NAPG: variants seen among roughly 807,000 people sequenced by gnomAD.
The protein encoded by NAPG is gamma-soluble NSF attachment protein.
Under a neutral mutation model 48.4 loss-of-function variants are expected in NAPG, and 25 were observed. The observed-to-expected ratio is 0.52, with a 90% CI of 0.38 to 0.72. The LOEUF (loss-of-function observed/expected upper bound fraction) is 0.72. Among genes scored for constraint, NAPG ranks in the 30% least tolerant of loss-of-function variants. NAPG has a pLI of 0.00. For missense variants in NAPG, 359 were observed against 372.5 expected (o/e 0.96, Z 0.30); for synonymous variants, 139 against 127.2 (o/e 1.09, Z -0.62).
At chr18:10,526,381 G>A in intron 1 of NAPG, 1 of 552,814 alleles carries the variant, frequency 1.8e-6, no homozygotes, top group African/African-American at 2.0e-5. Context: ...CACCCCGCCG[G>A]AAGTCCGCTC....
chr18:10,542,326 CA>C lies in NAPG; in HGVS notation c.506+1929del, dbSNP rs1277756989. Among the ~76,000 whole-genome samples the C allele has an allele frequency of 2.6e-5, 4 of 151,164 alleles. No individual in the cohort carries two copies. Among genetic ancestry groups the C allele is most frequent in the African/African-American group, 9.7e-5 (4 of 41,086 alleles). On this transcript the variant is annotated intron_variant, in intron 8 of 11. Coordinates refer to ENST00000322897, the MANE Select transcript of NAPG (RefSeq NM_003826.3). This position sits in a 1 kb window ranked among gnomAD's most constrained non-coding sequence, Gnocchi z 4.5. ...GAAATATATTTTTGAAGTGTATTAA[CA>C]ATATAAAAATTAATTTAAATTTGTG...
In NAPG at chr18:10,546,242, T is replaced by G; in HGVS notation, c.507-84T>G. 1 of 813,966 alleles carries G rather than the reference T, an allele frequency of 1.2e-6. No individual in the cohort carries two copies. Among genetic ancestry groups the G allele is most frequent in the East Asian group, 3.0e-5 (1 of 33,592 alleles). The allele number at this position is 813,966 out of a possible 1,614,324, so 50.4% of individuals were successfully genotyped here. On this transcript the variant is annotated intron_variant, in intron 8 of 11. Coordinates refer to ENST00000322897, the MANE Select transcript of NAPG (RefSeq NM_003826.3). The surrounding 1 kb of genome is among the most constrained non-coding windows in gnomAD (Gnocchi z 4.0). ...CTGTCCTCCTGGTGTCTCTACAATC[T>G]ATGATGTCAAGTACATTTCACAGGG...
rs1284152957 is a variant in NAPG at position 10,542,024 on chromosome 18, A to G, written c.506+1625A>G. ...GGGATGGGGGCCACCATCATCCTCA[A>G]AACATTACCAGTGTTGCCAGTCGGT... is the stretch of plus-strand genomic sequence containing the variant. On this transcript the variant is annotated intron_variant, in intron 8 of 11. Transcript: ENST00000322897. The surrounding 1 kb of genome is among the most constrained non-coding windows in gnomAD (Gnocchi z 4.5). 6.6e-6 allele frequency among the ~76,000 whole-genome samples: 1 copy of G among 152,194 alleles called. No homozygotes were observed.
At chr18:10,526,246 G>GGGGGGGTGGGA in intron 1 of NAPG, 88 bp downstream of exon 1, 3 of 490,186 alleles carry the variant, frequency 6.1e-6, no homozygotes, top group Non-Finnish European at 8.3e-6. Flanking sequence ...GGGCGGGAGG[G>GGGGGGGTGGGA]AGGGCTCAGG....
intron 3 of NAPG, chr18:10,533,032 T>C: frequency 7.4e-6 from 3 of 403,032 alleles, no homozygotes; most frequent in Non-Finnish European, 1.3e-5. Flanking sequence ...GTGATTTTAC[T>C]TGATGATGGT....
At position 10,552,482 on chromosome 18, in the gene NAPG, C is replaced by G. The variant is rs2032420071; in HGVS notation, c.*2262C>G. ...TTACAAGGAAAATTGTCTTCCAGAA[C>G]TCCACTGTCATCACTTTCACCAAAG... On this transcript the variant is annotated 3_prime_UTR_variant, in exon 12 of 12. Transcript: ENST00000322897. 1 of 152,236 alleles carries G rather than the reference C, an allele frequency of 6.6e-6. No homozygotes were observed. 9.4% of individuals were successfully genotyped at this position (152,236 alleles called of 1,614,324 possible).
Position 10,548,234 on chromosome 18 carries a change from A to T in NAPG, c.586-65A>T. Reference sequence around the variant, plus strand: ...AAGTTAAACTCCAGGTGTTTTCAATACTGCCAGGTTATTGACTTTATTAAA... The same window carrying T: ...AAGTTAAACTCCAGGTGTTTTCAATTCTGCCAGGTTATTGACTTTATTAAA... On this transcript the variant is annotated intron_variant, in intron 9 of 11. Transcript: ENST00000322897. The surrounding 1 kb of genome is among the most constrained non-coding windows in gnomAD (Gnocchi z 4.4). 8.5e-7 allele frequency: 1 copy of T among 1,178,062 alleles called. No individual in the cohort carries two copies. The highest frequency in any genetic ancestry group is 1.3e-6 in the Non-Finnish European group (1 of 789,090). 73.0% of individuals were successfully genotyped at this position (1,178,062 alleles called of 1,614,324 possible). A position where few individuals can be genotyped will look rare whatever the true frequency, so the allele number is the denominator to read the frequency against.
intron 2 of NAPG, among the ~76,000 whole-genome samples, chr18:10,531,172 A>G (rs191280317): frequency 6.6e-6 from 1 of 152,184 alleles, no homozygotes; most frequent in Non-Finnish European, 1.5e-5. Flanking sequence ...TCTCTATTAT[A>G]CTTTCTATTG....
chr18:10,540,348 A>G lies in NAPG; in HGVS notation c.455A>G (p.Gln152Arg), dbSNP rs758695906. ...NVFENEERLRQAVELLGKASR... is the reference protein window; with the variant it reads ...NVFENEERLRRAVELLGKASR... ...CTTCAGAATGAAGAACGCTTACGAC[A>G]GGCAGTTGAATTACTAGGAAAAGCC... The change falls in exon 8 of 12, where the codon CAG (glutamine) becomes CGG (arginine). Residue 152 changes from glutamine to arginine, a missense_variant. Gln to Arg is a conservative substitution (Grantham distance 43). Transcript: ENST00000322897. 6.8e-6 allele frequency: 11 copies of G among 1,613,798 alleles called. No individual in the cohort carries two copies. Among genetic ancestry groups the G allele is most frequent in the South Asian group, 1.1e-5 (1 of 91,068 alleles).
chr18:10,547,156 C>T (rs1159913030), intron 9 of NAPG, among the ~76,000 whole-genome samples: 1 of 152,234 alleles, frequency 6.6e-6, no homozygotes. Context: ...CGAAGTGTTG[C>T]ACTGCCCTCT....
rs936889057 is a variant in NAPG at position 10,544,065 on chromosome 18, A to G, written c.507-2261A>G. Among the ~76,000 whole-genome samples the G allele has an allele frequency of 2.6e-5, 4 of 152,242 alleles. No homozygotes were observed. Among genetic ancestry groups the G allele is most frequent in the African/African-American group, 9.6e-5 (4 of 41,462 alleles). On this transcript the variant is annotated intron_variant, in intron 8 of 11. Transcript: ENST00000322897. This position sits in a 1 kb window ranked among gnomAD's most constrained non-coding sequence, Gnocchi z 5.1. ...TTTAAAATACTGAGATTGCTAATAG[A>G]ATGATATAATCTAGACACGACGGGC...
chr18:10,532,942 A>T, intron 3 of NAPG, 147 bp downstream of exon 3: 1 of 701,230 alleles, frequency 1.4e-6, no homozygotes, highest in African/African-American at 1.8e-5. Flanking sequence ...TTTTTAAACT[A>T]TGAAGGAGCG....
chr18:10,529,891 C>G (rs2031893196), intron 1 of NAPG, among the ~76,000 whole-genome samples: 1 of 152,178 alleles, frequency 6.6e-6, no homozygotes, highest in Admixed American at 6.5e-5. Flanking sequence ...AAGCAGTGTT[C>G]TGTGCAAGCA....
chr18:10,549,474 A>G (rs1423623425), intron 11 of NAPG, among the ~76,000 whole-genome samples: 2 of 152,318 alleles, frequency 1.3e-5, no homozygotes, highest in Admixed American at 6.5e-5. Flanking sequence ...CAGTAGACCT[A>G]TGAAAATCTG....
intron 4 of NAPG, 72 bp downstream of exon 4, chr18:10,533,625 A>C: frequency 7.8e-7 from 1 of 1,282,962 alleles, no homozygotes; most frequent in Non-Finnish European, 1.1e-6. Flanking sequence ...GTAGGTTGGT[A>C]ATTTTTTCCC....
Position 10,539,092 on chromosome 18 carries a change from G to A in NAPG, c.259-670G>A, listed in dbSNP as rs190137790. 1 of 152,262 alleles carries A rather than the reference G, an allele frequency of 6.6e-6. No homozygotes were observed. Among genetic ancestry groups the A allele is most frequent in the East Asian group, 1.9e-4 (1 of 5,178 alleles). 9.4% of individuals were successfully genotyped at this position (152,262 alleles called of 1,614,324 possible). Reference sequence around the variant, plus strand: ...TCAACCGTTGTGGAAGACAGTGTGGGGATTCCTCAAGGATCTAGAACCAGA... The same window carrying A: ...TCAACCGTTGTGGAAGACAGTGTGGAGATTCCTCAAGGATCTAGAACCAGA... On this transcript the variant is annotated intron_variant, in intron 5 of 11. Coordinates refer to ENST00000322897, the MANE Select transcript of NAPG (RefSeq NM_003826.3). The surrounding 1 kb of genome is among the most constrained non-coding windows in gnomAD (Gnocchi z 4.7).
rs1254209391 is a variant in NAPG at position 10,548,240 on chromosome 18, A to T, written c.586-59A>T. ...AACTCCAGGTGTTTTCAATACTGCC[A>T]GGTTATTGACTTTATTAAACAGATG... On this transcript the variant is annotated intron_variant, in intron 9 of 11. Transcript: ENST00000322897. The surrounding 1 kb of genome is among the most constrained non-coding windows in gnomAD (Gnocchi z 4.4). The T allele has an allele frequency of 2.3e-5, 29 of 1,246,758 alleles. No homozygotes were observed. The highest frequency in any genetic ancestry group is 3.4e-5 in the Non-Finnish European group (29 of 849,670). 77.2% of individuals were successfully genotyped at this position (1,246,758 alleles called of 1,614,324 possible). A position where few individuals can be genotyped will look rare whatever the true frequency, so the allele number is the denominator to read the frequency against.
chr18:10,547,136 T>G (rs1362893564), intron 9 of NAPG, among the ~76,000 whole-genome samples: 1 of 152,190 alleles, frequency 6.6e-6, no homozygotes, highest in Non-Finnish European at 1.5e-5. Context: ...AGCTAAGATT[T>G]CATCACTGTC....
rs930214606 is a variant in NAPG, at chr18:10,534,981, C to T, written c.258+485C>T. Among the ~76,000 whole-genome samples, 1 of 152,198 alleles carries T rather than the reference C, an allele frequency of 6.6e-6. No individual in the cohort carries two copies. Among genetic ancestry groups the T allele is most frequent in the Admixed American group, 6.5e-5 (1 of 15,272 alleles). ...GAATATTCCAACTAATGTACCTGTG[C>T]CACTGTTTGTACTTCTGCTCCTCAA... On this transcript the variant is annotated intron_variant, in intron 5 of 11. Transcript: ENST00000322897. This position sits in a 1 kb window ranked among gnomAD's most constrained non-coding sequence, Gnocchi z 5.0.
Sources: allele counts gnomAD v4.1 joint callset (sites outside exome capture counted in the v4.1 genomes callset), GRCh38; gene constraint gnomAD v4.1.1; non-coding constraint Gnocchi (gnomAD v3.1); transcripts MANE v1.5; gene names NCBI Gene and HGNC (gene_info 2026-07-23, HGNC 2026-07-21).